FTO: variants seen among roughly 807,000 people sequenced by gnomAD.
FTO encodes the protein alpha-ketoglutarate-dependent dioxygenase FTO.
In FTO, 47 loss-of-function variants were observed where a neutral mutation model predicts 63.9. The ratio of observed to expected loss-of-function variants is 0.74; its 90% CI spans 0.58 to 0.94. FTO has a LOEUF of 0.94. Among genes scored for constraint, FTO ranks in the 40% least tolerant of loss-of-function variants. The pLI is 0.00. For missense variants in FTO, 562 were observed against 618.1 expected (o/e 0.91, Z 0.96); for synonymous variants, 207 against 224.4 (o/e 0.92, Z 0.69).
chr16:53,937,523 G>A (rs1010366538), intron 8 of FTO: 4 of 359,920 alleles, frequency 1.1e-5, no homozygotes, highest in Non-Finnish European at 2.0e-5. Flanking sequence ...CAAGGACCGG[G>A]TGTCCCAGGA....
At chr16:53,953,009 A>G (rs1455664551) in intron 8 of FTO, among the ~76,000 whole-genome samples, 1 of 152,184 alleles carries the variant, frequency 6.6e-6, no homozygotes, top group Non-Finnish European at 1.5e-5. Context: ...ATAATTGGGA[A>G]ACTTAGAAAA....
At chr16:54,003,663 A>G (rs2144015524) in intron 8 of FTO, among the ~76,000 whole-genome samples, 1 of 152,302 alleles carries the variant, frequency 6.6e-6, no homozygotes, top group Middle Eastern at 3.4e-3. Flanking sequence ...ACCTCCCCAT[A>G]TAGAATTTTC....
At chr16:53,745,683 C>T (rs2076633606) in intron 1 of FTO, among the ~76,000 whole-genome samples, 1 of 152,124 alleles carries the variant, frequency 6.6e-6, no homozygotes, top group Non-Finnish European at 1.5e-5. Flanking sequence ...TCAAAGTGAT[C>T]AGTTACCATT....
At chr16:53,993,648 A>G (rs2083866740) in intron 8 of FTO, 1 of 152,232 alleles carries the variant, frequency 6.6e-6, no homozygotes, top group East Asian at 1.9e-4. Context: ...TAGGGGTTCC[A>G]TCGCAAGCTC....
chr16:53,834,103 C>A (rs887969117), intron 3 of FTO, among the ~76,000 whole-genome samples: 3 of 152,094 alleles, frequency 2.0e-5, no homozygotes, highest in Non-Finnish European at 4.4e-5. Context: ...CAGCTCCCTG[C>A]AAGCTCCACC....
At chr16:53,792,001 T>G (rs922007071) in intron 1 of FTO, among the ~76,000 whole-genome samples, 12 of 150,388 alleles carry the variant, frequency 8.0e-5, no homozygotes, top group African/African-American at 2.2e-4. Flanking sequence ...GCGTGAACCC[T>G]GGAGGCGGAG....
chr16:54,110,107 G>A (rs2086847688), intron 8 of FTO, among the ~76,000 whole-genome samples: 1 of 152,116 alleles, frequency 6.6e-6, no homozygotes, highest in Non-Finnish European at 1.5e-5. Flanking sequence ...TTGAGAGACT[G>A]TCTCTACAAC....
rs137936731 is a variant in FTO, at chr16:54,082,960, A to G, written c.1365-28802A>G. ...AGATATATATTTTCTTAATTGTAAA[A>G]AGTAAATACTCTAAAATGTATTTTT... On this transcript the variant is annotated intron_variant, in intron 8 of 8. Coordinates refer to ENST00000471389, the MANE Select transcript of FTO (RefSeq NM_001080432.3). Among the ~76,000 whole-genome samples, 1,353 of 152,322 alleles carry G rather than the reference A, an allele frequency of 8.9e-3. 26 individuals carry two copies. Among genetic ancestry groups the G allele is most frequent in the African/African-American group, 0.031 (1,272 of 41,576 alleles).
At chr16:53,984,841 T>A in intron 8 of FTO, 1 of 431,612 alleles carries the variant, frequency 2.3e-6, no homozygotes, top group Non-Finnish European at 4.5e-6. Flanking sequence ...TATTGATTCT[T>A]TTGGTGTCTT....
intron 8 of FTO, among the ~76,000 whole-genome samples, chr16:54,016,842 G>A (rs186256991): frequency 6.6e-6 from 1 of 152,128 alleles, no homozygotes; most frequent in African/African-American, 2.4e-5. Flanking sequence ...TTTTGTACAC[G>A]CCAGAGCAAA....
intron 8 of FTO, among the ~76,000 whole-genome samples, chr16:54,020,597 G>A (rs187976085): frequency 1.6e-3 from 251 of 152,174 alleles, no homozygotes; most frequent in African/African-American, 5.8e-3. Flanking sequence ...ACAACAGAAC[G>A]CTGTTTCAGA....
At chr16:53,798,662 G>C (rs1480772934) in intron 1 of FTO, among the ~76,000 whole-genome samples, 3 of 152,108 alleles carry the variant, frequency 2.0e-5, no homozygotes, top group Non-Finnish European at 4.4e-5. Flanking sequence ...AAATTCTGTA[G>C]AATTTTCTAC....
At chr16:54,055,117 G>A (rs1000252109) in intron 8 of FTO, among the ~76,000 whole-genome samples, 7 of 152,206 alleles carry the variant, frequency 4.6e-5, no homozygotes, top group Non-Finnish European at 7.3e-5. Flanking sequence ...CAGCGAACTA[G>A]GATTAAGTGG....
chr16:53,902,972 T>C (rs2081440693), intron 7 of FTO, among the ~76,000 whole-genome samples: 1 of 152,092 alleles, frequency 6.6e-6, no homozygotes, highest in Non-Finnish European at 1.5e-5. Flanking sequence ...TAGCCAGGCG[T>C]AGTGGCACAT....
intron 8 of FTO, among the ~76,000 whole-genome samples, chr16:53,959,699 C>T (rs2083024509): frequency 6.6e-6 from 1 of 152,048 alleles, no homozygotes; most frequent in Non-Finnish European, 1.5e-5. Flanking sequence ...AGTTTACAAA[C>T]TTGCCTAAAT....
chr16:53,713,864 G>A (rs935185246), intron 1 of FTO, among the ~76,000 whole-genome samples: 8 of 152,062 alleles, frequency 5.3e-5, no homozygotes, highest in Admixed American at 2.0e-4. Flanking sequence ...ACTTTATGCC[G>A]CTTGATTAGC....
intron 8 of FTO, among the ~76,000 whole-genome samples, chr16:54,065,027 G>A (rs796083677): frequency 9.9e-5 from 15 of 152,270 alleles, no homozygotes; most frequent in African/African-American, 3.1e-4. Flanking sequence ...GCCTGACTCT[G>A]GTCACAATGG....
At chr16:53,983,675 G>A (rs1402228059) in intron 8 of FTO, among the ~76,000 whole-genome samples, 4 of 152,098 alleles carry the variant, frequency 2.6e-5, no homozygotes, top group African/African-American at 4.8e-5. Context: ...TAATGTCAAC[G>A]AGTGAAGCAG....
intron 8 of FTO, among the ~76,000 whole-genome samples, chr16:53,995,180 A>C (rs191845149): frequency 2.9e-4 from 44 of 152,274 alleles, no homozygotes; most frequent in African/African-American, 9.9e-4. Flanking sequence ...TGTTAAACTT[A>C]GCTATTTGTG....
Sources: allele counts gnomAD v4.1 joint callset (sites outside exome capture counted in the v4.1 genomes callset), GRCh38; gene constraint gnomAD v4.1.1; transcripts MANE v1.5; gene names NCBI Gene and HGNC (gene_info 2026-07-23, HGNC 2026-07-21).